The following ALK variants were observed in gnomAD, a reference collection of about 807,000 sequenced individuals.
The protein encoded by ALK is ALK receptor tyrosine kinase, also known as ALK tyrosine kinase receptor.
A neutral mutation model predicts 163.1 loss-of-function variants in ALK; 74 were observed. The ratio of observed to expected loss-of-function variants is 0.45; its 90% CI spans 0.38 to 0.55. The LOEUF is 0.55. Ranked by LOEUF, ALK falls within the 20% of genes least tolerant of loss-of-function variation. The pLI is 0.00. For synonymous variants in ALK, 960 were observed against 843.2 expected, an observed-to-expected ratio of 1.14 and a Z score of -2.40; for missense variants, 2,063 against 2,105.3, an observed-to-expected ratio of 0.98 and a Z score of 0.39.
At chr2:29,376,232 G>A (rs996292600) in intron 5 of ALK, among the ~76,000 whole-genome samples, 4 of 152,152 alleles carry the variant, frequency 2.6e-5, no homozygotes, top group African/African-American at 9.7e-5. Context: ...AAATTGGCCA[G>A]AAGCCCCTCT....
At chr2:29,487,209 T>C (rs774928369) in intron 4 of ALK, among the ~76,000 whole-genome samples, 2 of 152,186 alleles carry the variant, frequency 1.3e-5, no homozygotes, top group Non-Finnish European at 2.9e-5. Flanking sequence ...TTTGGGAGTA[T>C]GGTCCAAAAG....
At chr2:29,383,913 T>C (rs913868433) in intron 4 of ALK, 54 bp from the exon 5 acceptor site, 1 of 1,611,068 alleles carries the variant, frequency 6.2e-7, no homozygotes, top group East Asian at 2.2e-5. Context: ...ATATGAGAAT[T>C]AGGCCTAACA....
At chr2:29,864,982 A>T (rs1392235767) in intron 1 of ALK, among the ~76,000 whole-genome samples, 1 of 152,194 alleles carries the variant, frequency 6.6e-6, no homozygotes. Context: ...GGTGTCAGAG[A>T]TGTCAGCCAA....
chr2:29,283,883 C>A (rs1665778650), intron 9 of ALK, among the ~76,000 whole-genome samples: 1 of 152,148 alleles, frequency 6.6e-6, no homozygotes, highest in South Asian at 2.1e-4. Flanking sequence ...ATTATCTGCG[C>A]AGGTACTGTA....
At chr2:29,798,009 AG>A (rs1406046101) in intron 1 of ALK, among the ~76,000 whole-genome samples, 1 of 152,134 alleles carries the variant, frequency 6.6e-6, no homozygotes, top group African/African-American at 2.4e-5. Flanking sequence ...GAAGTCTTAA[AG>A]CTGCCTGCAG....
At chr2:29,310,726 G>A (rs1412851068) in intron 8 of ALK, among the ~76,000 whole-genome samples, 4 of 152,128 alleles carry the variant, frequency 2.6e-5, no homozygotes, top group Non-Finnish European at 5.9e-5. Flanking sequence ...TCCCTCCCTC[G>A]CTCATCCCTC....
At chr2:29,785,958 C>T (rs1374902592) in intron 1 of ALK, among the ~76,000 whole-genome samples, 2 of 117,052 alleles carry the variant, frequency 1.7e-5, no homozygotes, top group African/African-American at 4.4e-5. Flanking sequence ...CACACACACA[C>T]ATTACCCTCT....
chr2:29,588,682 T>C lies in ALK; in HGVS notation c.953-56566A>G, dbSNP rs141048037. Among the ~76,000 whole-genome samples the C allele has an allele frequency of 2.7e-3, 410 of 152,338 alleles. 7 individuals carry two copies. The highest frequency in any genetic ancestry group is 9.4e-3 in the African/African-American group (392 of 41,580). ...TGAGACAGACAGGCTTTGTTGCAAC[T>C]ACTTAACTTTGCCATTGTGGAGAAG... On this transcript the variant is annotated intron_variant, in intron 3 of 28. Coordinates refer to ENST00000389048, the MANE Select transcript of ALK (RefSeq NM_004304.5).
At chr2:29,554,372 A>T (rs1019323887) in intron 3 of ALK, among the ~76,000 whole-genome samples, 1 of 152,232 alleles carries the variant, frequency 6.6e-6, no homozygotes, top group African/African-American at 2.4e-5. Context: ...TCTAAATTGC[A>T]AAACAATAGC....
At chr2:29,460,643 C>CA (rs1214839114) in intron 4 of ALK, among the ~76,000 whole-genome samples, 2 of 151,978 alleles carry the variant, frequency 1.3e-5, no homozygotes, top group African/African-American at 4.8e-5. Context: ...AAAACCACGC[C>CA]AAAATAAAAC....
chr2:29,641,786 G>C (rs6757641), intron 3 of ALK, among the ~76,000 whole-genome samples: 20,490 of 152,054 alleles, frequency 0.13, 2,784 homozygotes, highest in African/African-American at 0.35. Context: ...CCTTCACTTA[G>C]GGCAGCAAAA....
At chr2:29,243,659 C>T (rs1217960761) in intron 12 of ALK, among the ~76,000 whole-genome samples, 1 of 152,336 alleles carries the variant, frequency 6.6e-6, no homozygotes, top group African/African-American at 2.4e-5. Flanking sequence ...CACAGGGCAG[C>T]CTTAGCTCTT....
At chr2:29,237,109 T>C (rs572576252) in intron 13 of ALK, among the ~76,000 whole-genome samples, 10 of 152,316 alleles carry the variant, frequency 6.6e-5, no homozygotes, top group Admixed American at 6.5e-5. Flanking sequence ...TAATTTCTCA[T>C]TCAATCTGGC....
intron 4 of ALK, among the ~76,000 whole-genome samples, chr2:29,452,875 C>T (rs1670858740): frequency 6.6e-6 from 1 of 152,172 alleles, no homozygotes; most frequent in African/African-American, 2.4e-5. Context: ...TAGACACATG[C>T]AAATTGAGTG....
At position 29,698,969 on chromosome 2, in the gene ALK, C is replaced by T. The variant is rs144277345; in HGVS notation, c.788-3955G>A. 4.0e-3 allele frequency among the ~76,000 whole-genome samples: 610 copies of T among 152,286 alleles called. 4 individuals are homozygous for T. Among genetic ancestry groups the T allele is most frequent in the African/African-American group, 0.014 (578 of 41,540 alleles). ...TTTCTCACTCAAACTAGCCTCAGTG[C>T]CTCTTGGGCAATAATACCTTGGGAC... On this transcript the variant is annotated intron_variant, in intron 2 of 28. Transcript: ENST00000389048.
At chr2:29,872,861 T>C (rs929320834) in intron 1 of ALK, among the ~76,000 whole-genome samples, 7 of 152,220 alleles carry the variant, frequency 4.6e-5, no homozygotes, top group South Asian at 2.1e-4. Context: ...CACTTTCAAG[T>C]TGGGCAAAGG....
At chr2:29,487,316 G>A (rs112417124) in intron 4 of ALK, among the ~76,000 whole-genome samples, 1 of 152,298 alleles carries the variant, frequency 6.6e-6, no homozygotes, top group African/African-American at 2.4e-5. Flanking sequence ...CCTGAGGTGG[G>A]AGAACAGTGT....
In ALK at chr2:29,420,697, A is replaced by G. The variant is rs116565891; in HGVS notation, c.1155-36838T>C. On this transcript the variant is annotated intron_variant, in intron 4 of 28. Coordinates refer to ENST00000389048, the MANE Select transcript of ALK (RefSeq NM_004304.5). ...GCGGATGAATAAGCAGGCAGAGTGGATCGTATGCAGAGGAGACTGCAGGCA... is the reference window on the plus strand; with the variant it reads ...GCGGATGAATAAGCAGGCAGAGTGGGTCGTATGCAGAGGAGACTGCAGGCA... Among the ~76,000 whole-genome samples, 353 of 151,600 alleles carry G rather than the reference A, an allele frequency of 2.3e-3. 15 individuals are homozygous for G. Among genetic ancestry groups the G allele is most frequent in the African/African-American group, 8.1e-3 (333 of 40,922 alleles).
At chr2:29,718,112 T>C (rs771809202) in intron 1 of ALK, among the ~76,000 whole-genome samples, 5 of 152,230 alleles carry the variant, frequency 3.3e-5, no homozygotes, top group Non-Finnish European at 7.3e-5. Flanking sequence ...TCCTCTAATG[T>C]TGTTTGCTTG....
Sources: allele counts gnomAD v4.1 joint callset (sites outside exome capture counted in the v4.1 genomes callset), GRCh38; gene constraint gnomAD v4.1.1; transcripts MANE v1.5; gene names NCBI Gene and HGNC (gene_info 2026-07-23, HGNC 2026-07-21).